Variants in SOX15 observed in about 807,000 individuals in gnomAD.
SOX15 encodes the protein SRY-box transcription factor 15.
SOX15 carries 12 observed loss-of-function variants against 15.9 expected under a neutral mutation model. The observed-to-expected ratio is 0.75, with a 90% confidence interval of 0.48 to 1.22. The LOEUF is 1.22. Ranked by LOEUF, SOX15 falls within the 50% of genes most tolerant of loss-of-function variation. The pLI is 0.00. For synonymous variants in SOX15, 149 were observed against 142.8 expected, an observed-to-expected ratio of 1.04 and a Z score of -0.31; for missense variants, 309 against 313.9, an observed-to-expected ratio of 0.98 and a Z score of 0.12.
intron 1 of SOX15, among the ~76,000 whole-genome samples, chr17:7,588,808 C>T (rs2071626250): frequency 6.6e-6 from 1 of 152,174 alleles, no homozygotes; most frequent in Non-Finnish European, 1.5e-5. Flanking sequence ...TCGGCCTCTC[C>T]TTGCCCTGGG....
At position 7,588,356 on chromosome 17, in the gene SOX15, G is replaced by A. The variant is rs371852464; in HGVS notation, c.*22C>T. ...AAAAAAGGAGGATGAGGCCCGTCCCGTGAGGTCTGCGTCCATGAGGGTTAG... is the reference window on the plus strand; with the variant it reads ...AAAAAAGGAGGATGAGGCCCGTCCCATGAGGTCTGCGTCCATGAGGGTTAG... On this transcript the variant is annotated 3_prime_UTR_variant, in exon 2 of 2. Coordinates refer to ENST00000250055, the MANE Select transcript of SOX15 (RefSeq NM_006942.2). The A allele has an allele frequency of 2.3e-5, 37 of 1,611,314 alleles. No homozygotes were observed. Among genetic ancestry groups the A allele is most frequent in the Middle Eastern group, 1.6e-4 (1 of 6,070 alleles).
chr17:7,588,723 C>T lies in SOX15; in HGVS notation c.534-177G>A, dbSNP rs374655801. ...GAGAGCCCGCGGCCCTGTTGGGGCA[C>T]GCTCGGGAGCGGGCTTGCGTGCTGC... is the stretch of plus-strand genomic sequence containing the variant. On this transcript the variant is annotated intron_variant, in intron 1 of 1. Transcript: ENST00000250055. Among the ~76,000 whole-genome samples, 487 of 152,278 alleles carry T rather than the reference C, an allele frequency of 3.2e-3. 1 individual carries two copies. Among genetic ancestry groups the T allele is most frequent in the African/African-American group, 0.011 (464 of 41,544 alleles).
chr17:7,589,273 C>T lies in SOX15; in HGVS notation c.404G>A (p.Gly135Glu). 6.4e-7 allele frequency: 1 copy of T among 1,563,702 alleles called. No individual in the cohort carries two copies. Among genetic ancestry groups the T allele is most frequent in the South Asian group, 1.2e-5 (1 of 86,186 alleles). ...KSSGAGPSRCGQGRGNLASGG... is the reference protein window; with the variant it reads ...KSSGAGPSRCEQGRGNLASGG... ...GCTGGCCAGGTTGCCTCTTCCCTGT[C>T]CGCAGCGGGAAGGTCCGGCGCCCGA... The change falls in exon 1 of 2, where the codon GGA becomes GAA. Residue 135 changes from glycine to glutamate, a missense_variant. Gly to Glu is a moderately conservative substitution (Grantham distance 98). Coordinates refer to ENST00000250055, the MANE Select transcript of SOX15 (RefSeq NM_006942.2).
At position 7,589,588 on chromosome 17, in the gene SOX15, T is replaced by G; in HGVS notation, c.89A>C (p.Gln30Pro). The change falls in exon 1 of 2, where the codon CAG (glutamine) becomes CCG (proline). Residue 30 changes from glutamine (Q) to proline (P), a missense_variant. Physicochemically the swap from Gln to Pro is moderately conservative, Grantham distance 76. Transcript: ENST00000250055. ...GGGGCTCCCAGCGCCCTCCCGCTCC[T>G]GGGGTCCCGAAGATGAGGAGGCAGC... ...TAAASSSSGPQEREGAGSPAA... is the reference protein window; with the variant it reads ...TAAASSSSGPPEREGAGSPAA... 1.9e-6 allele frequency: 3 copies of G among 1,573,338 alleles called. No individual in the cohort carries two copies. The highest frequency in any genetic ancestry group is 2.6e-6 in the Non-Finnish European group (3 of 1,162,178).
Position 7,589,229 on chromosome 17 carries a change from GC to G in SOX15, c.447del (p.Pro150ArgfsTer81). 6.5e-7 allele frequency: 1 copy of G among 1,544,484 alleles called. No individual in the cohort carries two copies. Reference sequence around the variant, plus strand: ...CTCGGTTGGGTGGTCGCGTACCCCGGCCCCCAGAGCGGGCCGCCGCTGGCCA... The same window carrying G: ...CTCGGTTGGGTGGTCGCGTACCCCGGCCCCAGAGCGGGCCGCCGCTGGCCA... ...GNLASGGPLWGPGYATTQPSR... is the reference protein window; with the variant it reads ...GNLASGGPLWXPGYATTQPSR... On this transcript the variant is annotated frameshift_variant, in exon 1 of 2. Coordinates refer to ENST00000250055, the MANE Select transcript of SOX15 (RefSeq NM_006942.2). LOFTEE classifies it high-confidence loss of function.
At position 7,589,328 on chromosome 17, in the gene SOX15, T is replaced by C; in HGVS notation, c.349A>G (p.Lys117Glu). The C allele has an allele frequency of 6.2e-7, 1 of 1,606,834 alleles. No homozygotes were observed. Among genetic ancestry groups the C allele is most frequent in the East Asian group, 2.2e-5 (1 of 44,670 alleles). Residue 117 changes from lysine to glutamate, a missense_variant, in exon 1 of 2, where the codon AAG becomes GAG. Physicochemically the swap from Lys to Glu is moderately conservative, Grantham distance 56 (BLOSUM62 1). Transcript: ENST00000250055. ...ARHLRDYPDY[K>E]YRPRRKAKSS... The stretch of plus-strand genomic sequence containing the variant: ...TTGGCCTTGCGCCGAGGCCGGTACT[T>C]GTAGTCGGGGTAGTCGCGCAGGTGT...
At position 7,589,611 on chromosome 17, in the gene SOX15, A is replaced by AGCAGCCGTG. The variant is rs1317920134; in HGVS notation, c.57_65dup (p.Thr20_Ala22dup). 8.3e-6 allele frequency: 13 copies of AGCAGCCGTG among 1,559,488 alleles called. No homozygotes were observed. In the Admixed American group the frequency reaches 1.1e-4, roughly 14 times the overall value. ...CCTGGGGTCCCGAAGATGAGGAGGC[A>AGCAGCCGTG]GCAGCCGTGGCAGCCGGAGGCTCCA... On this transcript the variant is annotated inframe_insertion, in exon 1 of 2. Transcript: ENST00000250055.
Position 7,589,455 on chromosome 17 carries a change from C to T in SOX15, c.222G>A (p.Met74Ile), listed in dbSNP as rs2071633588. The change falls in exon 1 of 2, where the codon ATG (methionine) becomes ATA (isoleucine). Residue 74 changes from methionine (M) to isoleucine (I), a missense_variant. Transcript: ENST00000250055. The part of the protein sequence containing the change: ...RRQMAQQNPK[M>I]HNSEISKRLG... ...GGCGCTTGGAGATCTCGGAGTTGTG[C>T]ATCTTGGGGTTCTGCTGCGCCATCT... The T allele has an allele frequency of 3.7e-6, 6 of 1,613,886 alleles. 1 individual carries two copies. In the Middle Eastern group the frequency reaches 6.6e-4, roughly 178 times the overall value.
At position 7,588,188 on chromosome 17, in the gene SOX15, C is replaced by T; in HGVS notation, c.*190G>A. ...AGACTGGAGACTCAGTTGAATAATACAAAACTGTTTAATACTACCAAAAAT... is the reference window on the plus strand; with the variant it reads ...AGACTGGAGACTCAGTTGAATAATATAAAACTGTTTAATACTACCAAAAAT... On this transcript the variant is annotated 3_prime_UTR_variant, in exon 2 of 2. Coordinates refer to ENST00000250055, the MANE Select transcript of SOX15 (RefSeq NM_006942.2). 1 of 735,774 alleles carries T rather than the reference C, an allele frequency of 1.4e-6. No individual in the cohort carries two copies. 45.6% of individuals were successfully genotyped at this position (735,774 alleles called of 1,614,324 possible).
intron 1 of SOX15, 94 bp from the exon 2 acceptor site, chr17:7,588,640 C>G (rs2071624243): frequency 1.5e-6 from 2 of 1,320,192 alleles, no homozygotes; most frequent in South Asian, 2.4e-5. Context: ...TGCCACCCAC[C>G]CAGCCCTGGC....
At position 7,589,632 on chromosome 17, in the gene SOX15, C is replaced by T. The variant is rs573268808; in HGVS notation, c.45G>A (p.Glu15=). The part of the protein sequence containing the change: ...GSSQDQAWSL[E]PPAATAAASS... ...AGGCAGCAGCCGTGGCAGCCGGAGG[C>T]TCCAGGCTCCAGGCCTGGTCCTGTG... The change falls in exon 1 of 2, where the codon GAG becomes GAA. Residue 15 remains glutamate, a synonymous_variant. Transcript: ENST00000250055. 17 of 1,547,478 alleles carry T rather than the reference C, an allele frequency of 1.1e-5. No individual in the cohort carries two copies. Among genetic ancestry groups the T allele is most frequent in the Admixed American group, 5.8e-5 (3 of 51,326 alleles).
intron 1 of SOX15, 45 bp from the exon 2 acceptor site, chr17:7,588,591 A>T: frequency 6.3e-7 from 1 of 1,596,922 alleles, no homozygotes; most frequent in East Asian, 2.2e-5. Context: ...CCTGGGTTGG[A>T]GGTGAGTCTG....
At position 7,589,285 on chromosome 17, in the gene SOX15, G is replaced by C; in HGVS notation, c.392C>G (p.Pro131Arg). The C allele has an allele frequency of 6.4e-7, 1 of 1,574,684 alleles. No homozygotes were observed. The highest frequency in any genetic ancestry group is 1.1e-5 in the South Asian group (1 of 87,374). ...GCCTCTTCCCTGTCCGCAGCGGGAAGGTCCGGCGCCCGAGCTCTTGGCCTT... is the reference window on the plus strand; with the variant it reads ...GCCTCTTCCCTGTCCGCAGCGGGAACGTCCGGCGCCCGAGCTCTTGGCCTT... Reference protein sequence around the residue: ...RRKAKSSGAGPSRCGQGRGNL... With the variant: ...RRKAKSSGAGRSRCGQGRGNL... The change falls in exon 1 of 2, where the codon CCT (proline) becomes CGT (arginine). Residue 131 changes from proline to arginine, a missense_variant. By Grantham distance (103) the Pro-to-Arg change is moderately radical (BLOSUM62 -2). Transcript: ENST00000250055.
At position 7,588,355 on chromosome 17, in the gene SOX15, C is replaced by G. The variant is rs185309597; in HGVS notation, c.*23G>C. On this transcript the variant is annotated 3_prime_UTR_variant, in exon 2 of 2. Transcript: ENST00000250055. ...TAAAAAAGGAGGATGAGGCCCGTCCCGTGAGGTCTGCGTCCATGAGGGTTA... is the reference window on the plus strand; with the variant it reads ...TAAAAAAGGAGGATGAGGCCCGTCCGGTGAGGTCTGCGTCCATGAGGGTTA... 32 of 1,611,484 alleles carry G rather than the reference C, an allele frequency of 2.0e-5. No individual in the cohort carries two copies. Among genetic ancestry groups the G allele is most frequent in the Non-Finnish European group, 2.3e-5 (27 of 1,178,050 alleles).
intron 1 of SOX15, chr17:7,588,878 A>T (rs1423073010): frequency 1.7e-6 from 1 of 588,956 alleles, no homozygotes; most frequent in African/African-American, 1.9e-5. Context: ...CGGGGCATCT[A>T]ACTAGGACAC....
rs763768512 is a variant in SOX15 at position 7,589,382 on chromosome 17, C to T, written c.295G>A (p.Val99Met). The change falls in exon 1 of 2, where the codon GTG becomes ATG. Residue 99 changes from valine to methionine, a missense_variant. By Grantham distance (21) the Val-to-Met change is conservative. Coordinates refer to ENST00000250055, the MANE Select transcript of SOX15 (RefSeq NM_006942.2). Reference sequence around the variant, plus strand: ...GCGCGGAGCCGCTTGGCCTCCTCCACGAAGGGCCGCTTCTCGTCCTCGTCC... The same window carrying T: ...GCGCGGAGCCGCTTGGCCTCCTCCATGAAGGGCCGCTTCTCGTCCTCGTCC... ...LLDEDEKRPF[V>M]EEAKRLRARH... 1 of 1,612,504 alleles carries T rather than the reference C, an allele frequency of 6.2e-7. No individual in the cohort carries two copies. Among genetic ancestry groups the T allele is most frequent in the South Asian group, 1.1e-5 (1 of 90,958 alleles).
rs150720716 is a variant in SOX15, at chr17:7,588,529, A to G, written c.551T>C (p.Leu184Pro). The change falls in exon 2 of 2, where the codon CTG (leucine) becomes CCG (proline). Residue 184 changes from leucine (L) to proline (P), a missense_variant. By Grantham distance (98) the Leu-to-Pro change is moderately conservative. Coordinates refer to ENST00000250055, the MANE Select transcript of SOX15 (RefSeq NM_006942.2). ...GAGGGAGCACGGTGAGGGGGCTTCCAGTTTGCAGTGGGAAGAGCTGCAGAG... is the reference window on the plus strand; with the variant it reads ...GAGGGAGCACGGTGAGGGGGCTTCCGGTTTGCAGTGGGAAGAGCTGCAGAG... The part of the protein sequence containing the change: ...PGSYGSSHCK[L>P]EAPSPCSLPQ... 8.1e-6 allele frequency: 13 copies of G among 1,613,328 alleles called. No individual in the cohort carries two copies. The South Asian group carries it at 1.4e-4, about 18-fold the overall frequency.
chr17:7,589,618 G>T lies in SOX15; in HGVS notation c.59C>A (p.Thr20Lys). 1 of 1,554,258 alleles carries T rather than the reference G, an allele frequency of 6.4e-7. No individual in the cohort carries two copies. Among genetic ancestry groups the T allele is most frequent in the Non-Finnish European group, 8.7e-7 (1 of 1,152,362 alleles). Residue 20 changes from threonine (T) to lysine (K), a missense_variant, in exon 1 of 2, where the codon ACG becomes AAG. Transcript: ENST00000250055. The part of the protein sequence containing the change: ...QAWSLEPPAA[T>K]AAASSSSGPQ... ...TCCCGAAGATGAGGAGGCAGCAGCC[G>T]TGGCAGCCGGAGGCTCCAGGCTCCA...
chr17:7,588,727 C>G (rs963806762), intron 1 of SOX15, among the ~76,000 whole-genome samples, 181 bp from the exon 2 acceptor site: 7 of 152,126 alleles, frequency 4.6e-5, no homozygotes, highest in African/African-American at 1.7e-4. Context: ...GGGGCACGCT[C>G]GGGAGCGGGC....
Sources: allele counts gnomAD v4.1 joint callset (sites outside exome capture counted in the v4.1 genomes callset), GRCh38; gene constraint gnomAD v4.1.1; transcripts MANE v1.5; gene names NCBI Gene and HGNC (gene_info 2026-07-23, HGNC 2026-07-21).